The following PPP3CA variants were observed in gnomAD, a reference collection of about 807,000 sequenced individuals.
PPP3CA encodes the protein protein phosphatase 3 catalytic subunit alpha, also known as CAM-PRP catalytic subunit.
Under a neutral mutation model 66.5 loss-of-function variants are expected in PPP3CA, and 14 were observed. The observed-to-expected ratio is 0.21, with a 90% CI of 0.14 to 0.33. The LOEUF (loss-of-function observed/expected upper bound fraction) is 0.33. Ranked by LOEUF, PPP3CA falls within the 10% of genes least tolerant of loss-of-function variation. PPP3CA has a pLI of 1.00. For synonymous variants in PPP3CA, 232 were observed against 226.2 expected (o/e 1.03, Z -0.23); for missense variants, 317 against 639.5 (o/e 0.50, Z 5.44).
At chr4:101,171,752 T>G (rs1018795999) in intron 2 of PPP3CA, among the ~76,000 whole-genome samples, 4 of 152,140 alleles carry the variant, frequency 2.6e-5, no homozygotes, top group African/African-American at 9.7e-5. Flanking sequence ...AAAACAGGCA[T>G]AGGTATAAGA....
At chr4:101,305,320 T>C (rs1352388578) in intron 1 of PPP3CA, among the ~76,000 whole-genome samples, 1 of 152,214 alleles carries the variant, frequency 6.6e-6, no homozygotes, top group African/African-American at 2.4e-5. Flanking sequence ...GGTATTATTC[T>C]TTCAGTCACA....
At position 101,341,347 on chromosome 4, in the gene PPP3CA, G is replaced by C. The variant is rs1304759205; in HGVS notation, c.58+5392C>G. Among the ~76,000 whole-genome samples the C allele has an allele frequency of 2.6e-5, 4 of 151,848 alleles. No individual in the cohort carries two copies. The East Asian group carries it at 7.8e-4, about 29-fold the overall frequency. ...TCAAAAATGTTTTCAAGCAAGAAAA[G>C]CCTCTTTAATAAAGAAAATAATGTG... On this transcript the variant is annotated intron_variant, in intron 1 of 13. Transcript: ENST00000394854.
intron 1 of PPP3CA, among the ~76,000 whole-genome samples, chr4:101,288,590 A>C (rs868118871): frequency 1.3e-5 from 2 of 151,722 alleles, no homozygotes; most frequent in African/African-American, 4.8e-5. Context: ...AGAGGGAACA[A>C]CGGGAAGGAG....
intron 1 of PPP3CA, among the ~76,000 whole-genome samples, chr4:101,307,749 A>G (rs1012495536): frequency 6.6e-6 from 1 of 152,192 alleles, no homozygotes; most frequent in Non-Finnish European, 1.5e-5. Flanking sequence ...TAGTATGTGA[A>G]GCCTTCCTCC....
At chr4:101,295,278 G>A (rs184594375) in intron 1 of PPP3CA, among the ~76,000 whole-genome samples, 3,042 of 146,218 alleles carry the variant, frequency 0.021, 92 homozygotes, top group African/African-American at 0.059. Flanking sequence ...TCCGCAGTCC[G>A]GCCTGGGTGA....
chr4:101,105,942 A>C (rs1730646266), intron 3 of PPP3CA, among the ~76,000 whole-genome samples: 1 of 152,148 alleles, frequency 6.6e-6, no homozygotes, highest in Non-Finnish European at 1.5e-5. Context: ...ATCCTGAAAA[A>C]CTTTATTAGG....
intron 8 of PPP3CA, among the ~76,000 whole-genome samples, chr4:101,072,740 A>T (rs1193251253): frequency 1.3e-5 from 2 of 151,954 alleles, no homozygotes; most frequent in East Asian, 3.9e-4. Context: ...ATTTTAAAAA[A>T]TATGGCTAAC....
intron 2 of PPP3CA, among the ~76,000 whole-genome samples, chr4:101,136,688 G>A (rs997794204): frequency 6.6e-6 from 1 of 151,796 alleles, no homozygotes; most frequent in African/African-American, 2.4e-5. Context: ...GGCTTCATCA[G>A]CTTATGGTAA....
intron 3 of PPP3CA, among the ~76,000 whole-genome samples, chr4:101,106,473 A>AGAAGAGAAGAGAAG (rs1560605300): frequency 9.2e-5 from 4 of 43,264 alleles, no homozygotes; most frequent in Non-Finnish European, 1.3e-4. Flanking sequence ...AAGAAAAGAA[A>AGAAGAGAAGAGAAG]AGAAAAGAAA....
chr4:101,273,365 T>C (rs1392964525), intron 1 of PPP3CA, among the ~76,000 whole-genome samples: 1 of 151,980 alleles, frequency 6.6e-6, no homozygotes, highest in African/African-American at 2.4e-5. Flanking sequence ...GCAGCCTGAG[T>C]GACAGAGTGA....
At chr4:101,040,913 G>A (rs895757682) in intron 10 of PPP3CA, among the ~76,000 whole-genome samples, 1 of 152,068 alleles carries the variant, frequency 6.6e-6, no homozygotes, top group African/African-American at 2.4e-5. Context: ...CAGAGACCAC[G>A]CATTGGGAGG....
rs556097182 is a variant in PPP3CA at position 101,269,910 on chromosome 4, C to G, written c.59-73794G>C. Among the ~76,000 whole-genome samples, 10 of 152,206 alleles carry G rather than the reference C, an allele frequency of 6.6e-5. No homozygotes were observed. The South Asian group carries it at 1.7e-3, about 25-fold the overall frequency. On this transcript the variant is annotated intron_variant, in intron 1 of 13. Transcript: ENST00000394854. ...ATTGGTTTTTCCAGGAACATGTGAA[C>G]ATTTCATAAAATGTTGGTTAACCCA... is the stretch of plus-strand genomic sequence containing the variant.
chr4:101,128,404 T>G (rs1386259944), intron 2 of PPP3CA, among the ~76,000 whole-genome samples: 1 of 152,100 alleles, frequency 6.6e-6, no homozygotes, highest in African/African-American at 2.4e-5. Context: ...TGGACACAAT[T>G]ATCATTTGTC....
intron 2 of PPP3CA, among the ~76,000 whole-genome samples, chr4:101,113,028 T>C (rs1020584325): frequency 4.6e-5 from 7 of 152,066 alleles, no homozygotes; most frequent in Non-Finnish European, 7.4e-5. Flanking sequence ...TTGTGATTGA[T>C]AGAGATTGAC....
rs529278818 is a variant in PPP3CA, at chr4:101,325,815, G to A, written c.58+20924C>T. On this transcript the variant is annotated intron_variant, in intron 1 of 13. Coordinates refer to ENST00000394854, the MANE Select transcript of PPP3CA (RefSeq NM_000944.5). Reference sequence around the variant, plus strand: ...TAAACACTAGCCTCACAGTTAAAATGTGCGCATTCATTAACATGATGTCTG... The same window carrying A: ...TAAACACTAGCCTCACAGTTAAAATATGCGCATTCATTAACATGATGTCTG... Among the ~76,000 whole-genome samples, 24 of 152,248 alleles carry A rather than the reference G, an allele frequency of 1.6e-4. No homozygotes were observed. In the East Asian group the frequency reaches 1.7e-3, roughly 11 times the overall value.
intron 2 of PPP3CA, among the ~76,000 whole-genome samples, chr4:101,192,465 T>C (rs2110187064): frequency 6.6e-6 from 1 of 152,286 alleles, no homozygotes; most frequent in Admixed American, 6.5e-5. Context: ...GTGCTGGTTA[T>C]AGAGATTAAT....
At chr4:101,266,154 C>T (rs1004935967) in intron 1 of PPP3CA, among the ~76,000 whole-genome samples, 12 of 152,102 alleles carry the variant, frequency 7.9e-5, no homozygotes, top group African/African-American at 2.7e-4. Context: ...TCTTACCTCA[C>T]CTATTTCCTC....
chr4:101,346,242 C>G (rs555651784), intron 1 of PPP3CA, among the ~76,000 whole-genome samples: 34 of 152,072 alleles, frequency 2.2e-4, no homozygotes, highest in Non-Finnish European at 3.4e-4. Context: ...AGCTCCAAGA[C>G]AACCCTGCCC....
Position 101,324,160 on chromosome 4 carries a change from GGAAGGAAGGA to G in PPP3CA, c.58+22569_58+22578del, listed in dbSNP as rs1237045166. Among the ~76,000 whole-genome samples the G allele has an allele frequency of 6.5e-3, 533 of 82,420 alleles. 6 individuals carry two copies. The highest frequency in any genetic ancestry group is 0.028 in the East Asian group (80 of 2,808). The allele number at this position is 82,420 out of a possible 152,430, so 54.1% of individuals were successfully genotyped here. A position where few individuals can be genotyped will look rare whatever the true frequency, so the allele number is the denominator to read the frequency against. On this transcript the variant is annotated intron_variant, in intron 1 of 13. Coordinates refer to ENST00000394854, the MANE Select transcript of PPP3CA (RefSeq NM_000944.5). ...GGAAGGGAAGGAAGGGAGGGAGGAA[GGAAGGAAGGA>G]AGGAAGGAAGGAAGGAAGGAAGGAA...
Sources: gnomAD v4.1 joint callset for allele counts (sites outside exome capture counted in the v4.1 genomes callset) on GRCh38, gnomAD v4.1.1 for gene constraint, MANE v1.5 for transcripts, NCBI Gene and HGNC (gene_info 2026-07-23, HGNC 2026-07-21) for gene names.